Variants in LINGO2 observed in about 807,000 individuals in gnomAD.
The protein encoded by LINGO2 is leucine-rich repeat and immunoglobulin-like domain-containing nogo receptor-interacting protein 2.
LINGO2 carries 14 observed loss-of-function variants against 30.6 expected under a neutral mutation model. That is an observed-to-expected ratio of 0.46 (90% CI 0.30 to 0.72). LINGO2 has a LOEUF of 0.72. LINGO2 is among the 30% of genes least tolerant of loss of function. LINGO2 has a pLI of 0.07. For missense variants in LINGO2, 729 were observed against 751.7 expected, an observed-to-expected ratio of 0.97 and a Z score of 0.35; for synonymous variants, 317 against 288.5, an observed-to-expected ratio of 1.10 and a Z score of -1.00.
the LINGO2 span, among the ~76,000 whole-genome samples, chr9:28,876,676 G>A: frequency 1.3e-5 from 2 of 152,138 alleles, no homozygotes; most frequent in Non-Finnish European, 2.9e-5. Flanking sequence ...TTGGTTCCAA[G>A]TCTTTGCTAT....
At chr9:28,419,317 A>G (rs1325975202) in intron 2 of LINGO2, among the ~76,000 whole-genome samples, 1 of 152,178 alleles carries the variant, frequency 6.6e-6, no homozygotes, top group African/African-American at 2.4e-5. Flanking sequence ...TGTGTAAACA[A>G]AGAAAAACAT....
chr9:29,127,380 T>G, the LINGO2 span, among the ~76,000 whole-genome samples: 23 of 152,050 alleles, frequency 1.5e-4, no homozygotes, highest in African/African-American at 5.6e-4. Flanking sequence ...AGCCCAGAGT[T>G]TGGGATTTAT....
chr9:28,175,932 G>A (rs1828738050), intron 4 of LINGO2, among the ~76,000 whole-genome samples: 1 of 152,130 alleles, frequency 6.6e-6, no homozygotes, highest in East Asian at 1.9e-4. Flanking sequence ...GGTCAAGGAG[G>A]CAACATGCCT....
chr9:28,775,807 G>T, the LINGO2 span, among the ~76,000 whole-genome samples: 3 of 152,056 alleles, frequency 2.0e-5, no homozygotes, highest in African/African-American at 7.2e-5. Context: ...CTAAATTTGG[G>T]GAAAATATAC....
intron 1 of LINGO2, among the ~76,000 whole-genome samples, chr9:28,501,086 T>C (rs1819863932): frequency 6.6e-6 from 1 of 152,072 alleles, no homozygotes; most frequent in Non-Finnish European, 1.5e-5. Context: ...GGATATATAC[T>C]AGCAAAACAA....
chr9:29,211,789 CG>C, the LINGO2 span, among the ~76,000 whole-genome samples: 4 of 152,110 alleles, frequency 2.6e-5, no homozygotes, highest in Admixed American at 6.5e-5. Context: ...CGGCTCAAAG[CG>C]GGCACAGCAG....
At chr9:28,015,120 C>T (rs963667540) in intron 4 of LINGO2, among the ~76,000 whole-genome samples, 3 of 152,052 alleles carry the variant, frequency 2.0e-5, no homozygotes, top group Admixed American at 1.3e-4. Context: ...GCAACCAAAT[C>T]GTCCACGCTA....
At chr9:28,794,008 AAAAC>A in the LINGO2 span, among the ~76,000 whole-genome samples, 1 of 152,168 alleles carries the variant, frequency 6.6e-6, no homozygotes, top group Non-Finnish European at 1.5e-5. Flanking sequence ...TTGCTCTTCA[AAAAC>A]AAACAAAACA....
rs995351616 is a variant in LINGO2 at position 28,258,991 on chromosome 9, T to C, written c.-87+36217A>G. Among the ~76,000 whole-genome samples the C allele has an allele frequency of 5.9e-5, 9 of 152,072 alleles. No homozygotes were observed. In the South Asian group the frequency reaches 8.3e-4, roughly 14 times the overall value. On this transcript the variant is annotated intron_variant, in intron 4 of 5. Coordinates refer to ENST00000379992, the Ensembl canonical transcript of LINGO2. ...ATTGGTCCCATACCAACTTTATTTA[T>C]ATTTTGAGAAGATGCATATGAGGTT...
intron 3 of LINGO2, among the ~76,000 whole-genome samples, chr9:28,308,001 C>G (rs1168405981): frequency 6.6e-6 from 1 of 151,272 alleles, no homozygotes; most frequent in Non-Finnish European, 1.5e-5. Flanking sequence ...AATGGCCATA[C>G]TGCCCAAGGT....
At chr9:28,600,505 A>C (rs1361330959) in intron 1 of LINGO2, among the ~76,000 whole-genome samples, 2 of 152,148 alleles carry the variant, frequency 1.3e-5, no homozygotes, top group African/African-American at 4.8e-5. Flanking sequence ...AGCATCTGAG[A>C]GTATCATCTC....
intron 4 of LINGO2, among the ~76,000 whole-genome samples, chr9:28,117,568 G>A (rs1315954060): frequency 3.1e-5 from 3 of 97,066 alleles, no homozygotes; most frequent in Non-Finnish European, 6.3e-5. Context: ...GCGAGATTCC[G>A]TGGGCGTAGG....
At position 28,099,051 on chromosome 9, in the gene LINGO2, C is replaced by T. The variant is rs117747054; in HGVS notation, c.-86-86646G>A. Among the ~76,000 whole-genome samples, 369 of 152,214 alleles carry T rather than the reference C, an allele frequency of 2.4e-3. 7 individuals are homozygous for T. In the South Asian group the frequency reaches 0.047, roughly 19 times the overall value. Reference sequence around the variant, plus strand: ...GGTCACATTGATTCTGAATTCAAAACATTATGCTAATAGCATAGAAAGACT... The same window carrying T: ...GGTCACATTGATTCTGAATTCAAAATATTATGCTAATAGCATAGAAAGACT... On this transcript the variant is annotated intron_variant, in intron 4 of 5. Transcript: ENST00000379992.
the LINGO2 span, among the ~76,000 whole-genome samples, chr9:29,147,806 T>C: frequency 6.6e-6 from 1 of 152,220 alleles, no homozygotes; most frequent in Non-Finnish European, 1.5e-5. Flanking sequence ...CAGTTCTTTT[T>C]ATTGAAACCA....
At chr9:29,132,215 G>C in the LINGO2 span, among the ~76,000 whole-genome samples, 19 of 152,102 alleles carry the variant, frequency 1.2e-4, no homozygotes, top group Non-Finnish European at 2.1e-4. Context: ...TTCCTCGAGG[G>C]GGGGAAATGA....
the LINGO2 span, among the ~76,000 whole-genome samples, chr9:29,141,926 A>G: frequency 6.6e-6 from 1 of 152,080 alleles, no homozygotes; most frequent in East Asian, 1.9e-4. Flanking sequence ...TATTGACAGA[A>G]CTGAAGGATG....
intron 4 of LINGO2, among the ~76,000 whole-genome samples, chr9:28,107,008 A>G (rs1826613750): frequency 6.6e-6 from 1 of 152,126 alleles, no homozygotes; most frequent in Admixed American, 6.6e-5. Context: ...AGAATGCTCC[A>G]TGCACCTCTC....
chr9:28,262,568 T>C (rs1196334501), intron 4 of LINGO2, among the ~76,000 whole-genome samples: 5 of 152,022 alleles, frequency 3.3e-5, no homozygotes, highest in Admixed American at 2.6e-4. Flanking sequence ...AAATTCTTTA[T>C]TGGATTTTGA....
chr9:28,122,442 C>A (rs990320233), intron 4 of LINGO2, among the ~76,000 whole-genome samples: 1 of 152,176 alleles, frequency 6.6e-6, no homozygotes, highest in Non-Finnish European at 1.5e-5. Flanking sequence ...TCACATCTTA[C>A]AGGATACCTA....
Sources: allele counts gnomAD v4.1 joint callset (sites outside exome capture counted in the v4.1 genomes callset), GRCh38; gene constraint gnomAD v4.1.1; transcripts MANE v1.5; gene names NCBI Gene and HGNC (gene_info 2026-07-23, HGNC 2026-07-21).